MCPH1: variants seen among roughly 807,000 people sequenced by gnomAD.
MCPH1 encodes the protein microcephalin 1, also known as microcephalin.
Under a neutral mutation model 84.5 loss-of-function variants are expected in MCPH1, and 104 were observed. The observed-to-expected ratio is 1.23, with a 90% CI of 1.05 to 1.45. The LOEUF is 1.45. Ranked by LOEUF, MCPH1 falls within the 40% of genes most tolerant of loss-of-function variation. The pLI, the probability that MCPH1 is intolerant of heterozygous loss-of-function variation, is 0.00. For missense variants in MCPH1, 1,498 were observed against 1,005.7 expected (o/e 1.49, Z -6.62); for synonymous variants, 514 against 366.8 (o/e 1.40, Z -4.58).
chr8:6,490,954 A>T (rs1218166082), intron 11 of MCPH1, among the ~76,000 whole-genome samples: 3 of 149,264 alleles, frequency 2.0e-5, no homozygotes, highest in East Asian at 3.9e-4. Context: ...TATAATATCA[A>T]TAATGCTATT....
chr8:6,473,441 C>G (rs986296122), intron 9 of MCPH1, among the ~76,000 whole-genome samples: 2 of 147,870 alleles, frequency 1.4e-5, no homozygotes, highest in East Asian at 2.0e-4. Flanking sequence ...ACGCCATTCT[C>G]CTGCCTCGGC....
chr8:6,486,373 T>C (rs1019469751), intron 11 of MCPH1, among the ~76,000 whole-genome samples: 2 of 152,130 alleles, frequency 1.3e-5, no homozygotes, highest in African/African-American at 2.4e-5. Context: ...TCTTAAAATA[T>C]TCTCTTTGGC....
intron 9 of MCPH1, among the ~76,000 whole-genome samples, chr8:6,469,599 A>C (rs1440461372): frequency 6.6e-6 from 1 of 152,210 alleles, no homozygotes; most frequent in African/African-American, 2.4e-5. Context: ...ATCTTTGTGA[A>C]TATGTGGGTT....
chr8:6,505,285 T>TTA (rs1563305563), intron 12 of MCPH1, among the ~76,000 whole-genome samples: 3 of 105,322 alleles, frequency 2.8e-5, no homozygotes, highest in African/African-American at 1.5e-4. Flanking sequence ...TACATATATA[T>TTA]GTTATATACA....
intron 3 of MCPH1, among the ~76,000 whole-genome samples, chr8:6,431,068 G>T (rs1353696750): frequency 6.6e-6 from 1 of 152,148 alleles, no homozygotes; most frequent in Non-Finnish European, 1.5e-5. Context: ...AACACAAAAA[G>T]GACAACCCAA....
chr8:6,630,509 C>T (rs900476656), intron 13 of MCPH1, among the ~76,000 whole-genome samples: 1 of 152,158 alleles, frequency 6.6e-6, no homozygotes, highest in East Asian at 1.9e-4. Context: ...CAACTGGGCA[C>T]AGTGGCTCAC....
At chr8:6,567,746 C>A (rs1441204896) in intron 12 of MCPH1, among the ~76,000 whole-genome samples, 2 of 152,166 alleles carry the variant, frequency 1.3e-5, no homozygotes, top group Non-Finnish European at 2.9e-5. Flanking sequence ...GGCCACCCAT[C>A]TGGGACCCCT....
At chr8:6,566,388 G>A (rs1021096808) in intron 12 of MCPH1, among the ~76,000 whole-genome samples, 8 of 151,274 alleles carry the variant, frequency 5.3e-5, no homozygotes, top group African/African-American at 1.5e-4. Context: ...AGCAACCACC[G>A]TGTGTGGTCA....
At chr8:6,480,201 G>A (rs1809019056) in intron 10 of MCPH1, among the ~76,000 whole-genome samples, 1 of 150,478 alleles carries the variant, frequency 6.6e-6, no homozygotes, top group Admixed American at 6.6e-5. Flanking sequence ...GCGGCTCACT[G>A]CAACCTCCAC....
intron 12 of MCPH1, among the ~76,000 whole-genome samples, chr8:6,538,034 T>A (rs1034178467): frequency 6.6e-6 from 1 of 152,190 alleles, no homozygotes; most frequent in Non-Finnish European, 1.5e-5. Flanking sequence ...TGAGATTTCC[T>A]TGGAAACTTT....
intron 3 of MCPH1, among the ~76,000 whole-genome samples, chr8:6,418,008 G>A (rs7002495): frequency 0.31 from 47,146 of 152,112 alleles, 9,396 homozygotes; most frequent in African/African-American, 0.58. Context: ...CAGTTGCTTA[G>A]ATGCGCCCTT....
chr8:6,412,399 A>T (rs1040945606), intron 2 of MCPH1, among the ~76,000 whole-genome samples: 1 of 152,236 alleles, frequency 6.6e-6, no homozygotes, highest in South Asian at 2.1e-4. Context: ...TTTTATTTCA[A>T]AAATTGGCAA....
chr8:6,469,183 T>TAAAC (rs556260970), intron 9 of MCPH1, among the ~76,000 whole-genome samples: 2,196 of 152,064 alleles, frequency 0.014, 56 homozygotes, highest in African/African-American at 0.051. Flanking sequence ...GTCTCAAAAA[T>TAAAC]AAACAAAAAA....
At chr8:6,503,420 G>T (rs556312281) in intron 12 of MCPH1, among the ~76,000 whole-genome samples, 1 of 152,154 alleles carries the variant, frequency 6.6e-6, no homozygotes, top group Non-Finnish European at 1.5e-5. Context: ...CAGAGGGATT[G>T]TTTTCCAGCC....
At chr8:6,464,019 G>C (rs1310778391) in intron 9 of MCPH1, among the ~76,000 whole-genome samples, 2 of 152,184 alleles carry the variant, frequency 1.3e-5, no homozygotes, top group Non-Finnish European at 2.9e-5. Context: ...CGGGTATGTT[G>C]TTATCACACG....
intron 12 of MCPH1, among the ~76,000 whole-genome samples, chr8:6,545,419 CT>C (rs1822404178): frequency 6.6e-6 from 1 of 152,172 alleles, no homozygotes; most frequent in Admixed American, 6.5e-5. Context: ...TGTTGTGACA[CT>C]ATGACCCTAG....
rs1326824440 is a variant in MCPH1, at chr8:6,646,893, G to C, written c.*3844G>C. Reference sequence around the variant, plus strand: ...ATAGCAGGAAATCATTCTGACCTCAGGTTAGGCAAAGCTTTCTTAGATATG... The same window carrying C: ...ATAGCAGGAAATCATTCTGACCTCACGTTAGGCAAAGCTTTCTTAGATATG... On this transcript the variant is annotated 3_prime_UTR_variant, in exon 14 of 14. Transcript: ENST00000344683. The C allele has an allele frequency of 6.6e-6, 1 of 152,062 alleles. No individual in the cohort carries two copies. The highest frequency in any genetic ancestry group is 1.9e-4 in the East Asian group (1 of 5,190). 9.4% of individuals were successfully genotyped at this position (152,062 alleles called of 1,614,324 possible).
chr8:6,437,382 C>T (rs1045787063), intron 5 of MCPH1, among the ~76,000 whole-genome samples: 2 of 152,010 alleles, frequency 1.3e-5, no homozygotes, highest in African/African-American at 4.8e-5. Context: ...AGGGGCGTAC[C>T]ACCACGCCCA....
intron 13 of MCPH1, among the ~76,000 whole-genome samples, chr8:6,634,343 C>T (rs1797382815): frequency 6.6e-6 from 1 of 152,158 alleles, no homozygotes; most frequent in African/African-American, 2.4e-5. Context: ...GACGAGTTTG[C>T]CAAGATTATC....
Sources: gnomAD v4.1 joint callset for allele counts (sites outside exome capture counted in the v4.1 genomes callset) on GRCh38, gnomAD v4.1.1 for gene constraint, MANE v1.5 for transcripts, NCBI Gene and HGNC (gene_info 2026-07-23, HGNC 2026-07-21) for gene names.